The following KLHL1 variants were observed in gnomAD, a reference collection of about 807,000 sequenced individuals.
KLHL1 encodes the protein kelch like family member 1, also known as kelch-like protein 1.
In KLHL1, 47 loss-of-function variants were observed where a neutral mutation model predicts 77.7. That is an observed-to-expected ratio of 0.60 (90% CI 0.48 to 0.77). The LOEUF is 0.77. KLHL1 is among the 30% of genes least tolerant of loss of function. The pLI is 0.00. For missense variants in KLHL1, 925 were observed against 910.8 expected, an observed-to-expected ratio of 1.02 and a Z score of -0.20; for synonymous variants, 360 against 325.2, an observed-to-expected ratio of 1.11 and a Z score of -1.15.
chr13:69,971,398 A>T (rs947486861), intron 2 of KLHL1, among the ~76,000 whole-genome samples: 1 of 151,974 alleles, frequency 6.6e-6, no homozygotes, highest in East Asian at 1.9e-4. Context: ...TCAAGTAAAA[A>T]ACTTATCTAC....
At chr13:69,731,557 G>T (rs1361857302) in intron 8 of KLHL1, among the ~76,000 whole-genome samples, 1 of 152,086 alleles carries the variant, frequency 6.6e-6, no homozygotes, top group African/African-American at 2.4e-5. Flanking sequence ...TAGCAGAAAT[G>T]GTTACAGATA....
At chr13:69,934,997 T>C (rs978994914) in intron 4 of KLHL1, among the ~76,000 whole-genome samples, 1 of 147,400 alleles carries the variant, frequency 6.8e-6, no homozygotes, top group African/African-American at 2.5e-5. Context: ...TATGTATATA[T>C]ATACATATTA....
intron 4 of KLHL1, among the ~76,000 whole-genome samples, chr13:69,897,682 C>T (rs1036237895): frequency 1.3e-5 from 2 of 152,104 alleles, no homozygotes; most frequent in African/African-American, 4.8e-5. Context: ...ACCTGATACC[C>T]TCACCATCCT....
At chr13:69,943,683 T>A (rs528977144) in intron 3 of KLHL1, among the ~76,000 whole-genome samples, 1,939 of 152,224 alleles carry the variant, frequency 0.013, 49 homozygotes, top group African/African-American at 0.044. Context: ...AAAAATAAAG[T>A]TAAAATAGAG....
At chr13:69,949,125 TA>T (rs1489233979) in intron 3 of KLHL1, among the ~76,000 whole-genome samples, 24 of 151,984 alleles carry the variant, frequency 1.6e-4, no homozygotes, top group Non-Finnish European at 7.4e-5. Context: ...TCGTATGATA[TA>T]CGTGTTATAT....
chr13:70,047,280 G>GAA (rs752563925), intron 1 of KLHL1, among the ~76,000 whole-genome samples: 1 of 136,530 alleles, frequency 7.3e-6, no homozygotes, highest in Non-Finnish European at 1.6e-5. Flanking sequence ...TTGGTTAACT[G>GAA]AAAAAAAAAA....
At chr13:70,016,896 G>A (rs1885672999) in intron 1 of KLHL1, among the ~76,000 whole-genome samples, 1 of 151,988 alleles carries the variant, frequency 6.6e-6, no homozygotes, top group African/African-American at 2.4e-5. Flanking sequence ...CCTCCTTTCT[G>A]AGCCCATAAA....
chr13:69,804,910 C>G (rs79882494), intron 6 of KLHL1, among the ~76,000 whole-genome samples: 5,663 of 152,036 alleles, frequency 0.037, 134 homozygotes, highest in Middle Eastern at 0.061. Flanking sequence ...TTTTTATGAT[C>G]CATAACACAT....
intron 1 of KLHL1, among the ~76,000 whole-genome samples, chr13:70,031,337 AC>A (rs1362930902): frequency 3.9e-5 from 6 of 152,184 alleles, no homozygotes; most frequent in Non-Finnish European, 8.8e-5. Flanking sequence ...CATGGGGATG[AC>A]TTGATCCTAA....
chr13:69,917,099 TAC>T (rs1287734111), intron 4 of KLHL1, among the ~76,000 whole-genome samples: 2 of 152,032 alleles, frequency 1.3e-5, no homozygotes, highest in African/African-American at 2.4e-5. Context: ...TGTATGCATA[TAC>T]ACACAGATTT....
At chr13:69,767,100 C>T (rs1875341074) in intron 7 of KLHL1, among the ~76,000 whole-genome samples, 1 of 151,652 alleles carries the variant, frequency 6.6e-6, no homozygotes, top group African/African-American at 2.4e-5. Flanking sequence ...GTAGATATAT[C>T]CTACTTTAAC....
intron 5 of KLHL1, among the ~76,000 whole-genome samples, chr13:69,854,317 C>T (rs758510200): frequency 1.2e-4 from 18 of 151,998 alleles, no homozygotes; most frequent in East Asian, 3.9e-4. Context: ...CCAGTGTGTG[C>T]GGAGATCACG....
intron 8 of KLHL1, among the ~76,000 whole-genome samples, chr13:69,728,175 A>T (rs1873386006): frequency 6.6e-6 from 1 of 152,092 alleles, no homozygotes; most frequent in African/African-American, 2.4e-5. Context: ...ATTAATTAAA[A>T]TGTATACAAT....
intron 7 of KLHL1, among the ~76,000 whole-genome samples, chr13:69,750,755 A>AT (rs1001517555): frequency 6.6e-6 from 1 of 151,868 alleles, no homozygotes; most frequent in Non-Finnish European, 1.5e-5. Flanking sequence ...TAGCATTAAG[A>AT]TTTTTTTGCT....
At chr13:69,920,709 A>C (rs1882603902) in intron 4 of KLHL1, among the ~76,000 whole-genome samples, 1 of 152,230 alleles carries the variant, frequency 6.6e-6, no homozygotes, top group South Asian at 2.1e-4. Context: ...ACAAAAAAGT[A>C]AAAATCAGTG....
At chr13:69,941,418 C>G (rs1363309719) in intron 3 of KLHL1, among the ~76,000 whole-genome samples, 1 of 151,970 alleles carries the variant, frequency 6.6e-6, no homozygotes, top group Non-Finnish European at 1.5e-5. Flanking sequence ...AGTGACACAA[C>G]TTATCAAAAC....
chr13:69,716,471 T>C (rs1256258475), intron 9 of KLHL1, among the ~76,000 whole-genome samples: 1 of 152,138 alleles, frequency 6.6e-6, no homozygotes, highest in Non-Finnish European at 1.5e-5. Flanking sequence ...GAAATAAAAC[T>C]CAATTTTTCT....
intron 1 of KLHL1, among the ~76,000 whole-genome samples, chr13:70,011,313 T>C (rs1277362633): frequency 1.3e-5 from 2 of 152,190 alleles, no homozygotes; most frequent in Non-Finnish European, 1.5e-5. Context: ...CCATGAAACC[T>C]GTCAACACAG....
chr13:69,912,438 C>T (rs1882268815), intron 4 of KLHL1, among the ~76,000 whole-genome samples: 2 of 152,168 alleles, frequency 1.3e-5, no homozygotes, highest in South Asian at 4.1e-4. Flanking sequence ...TGCACTACTC[C>T]TTGCAATGAC....
Sources: allele counts gnomAD v4.1 joint callset (sites outside exome capture counted in the v4.1 genomes callset), GRCh38; gene constraint gnomAD v4.1.1; transcripts MANE v1.5; gene names NCBI Gene and HGNC (gene_info 2026-07-23, HGNC 2026-07-21).